Variants in CALN1 observed in about 807,000 individuals in gnomAD.
The protein encoded by CALN1 is calcium-binding protein 8.
Under a neutral mutation model 30.6 loss-of-function variants are expected in CALN1, and 17 were observed. The observed-to-expected ratio is 0.56, with a 90% CI of 0.38 to 0.83. CALN1 has a LOEUF of 0.83. Among genes scored for constraint, CALN1 ranks in the 40% least tolerant of loss-of-function variants. The pLI is 0.00. For missense variants in CALN1, 291 were observed against 354.9 expected (o/e 0.82, Z 1.45); for synonymous variants, 156 against 131.4 (o/e 1.19, Z -1.28).
rs1420650117 is a variant in CALN1, at chr7:72,278,828, G to A, written c.120-18C>T. 5 of 1,594,740 alleles carry A rather than the reference G, an allele frequency of 3.1e-6. No homozygotes were observed. Among genetic ancestry groups the A allele is most frequent in the Admixed American group, 1.7e-5 (1 of 59,732 alleles). On this transcript the variant is annotated intron_variant, in intron 2 of 6. Coordinates refer to ENST00000395275, the MANE Select transcript of CALN1 (RefSeq NM_031468.4). ...TCTTTTCCCTGCCCAAGAGAGAACA[G>A]GGGAGGGGAAAAGAAAGACATCATC...
At chr7:72,487,924 A>AGGAAGGAAG in the CALN1 span, among the ~76,000 whole-genome samples, 1 of 84,960 alleles carries the variant, frequency 1.2e-5, no homozygotes, top group Admixed American at 1.1e-4. Flanking sequence ...GAAAGAAGGA[A>AGGAAGGAAG]GGAAGGAAGG....
At chr7:72,417,115 G>A (rs1013565285), upstream of CALN1, among the ~76,000 whole-genome samples, 8 of 152,174 alleles carry the variant, frequency 5.3e-5, no homozygotes, top group Admixed American at 1.3e-4. Flanking sequence ...GGCGGAGGGC[G>A]GTCCCAGCCG....
At chr7:72,002,598 G>T (rs1323126829) in intron 5 of CALN1, among the ~76,000 whole-genome samples, 2 of 152,074 alleles carry the variant, frequency 1.3e-5, no homozygotes, top group South Asian at 2.1e-4. Flanking sequence ...TGGAAAAGAA[G>T]GAATTAAATG....
At chr7:72,040,174 T>A (rs1461815326) in intron 4 of CALN1, among the ~76,000 whole-genome samples, 2 of 152,060 alleles carry the variant, frequency 1.3e-5, no homozygotes, top group Non-Finnish European at 2.9e-5. Flanking sequence ...AATGTCAACC[T>A]CTTAAAAAGT....
intron 3 of CALN1, among the ~76,000 whole-genome samples, chr7:72,121,726 T>C (rs1463332949): frequency 6.7e-6 from 1 of 148,636 alleles, no homozygotes; most frequent in Non-Finnish European, 1.5e-5. Flanking sequence ...ATGTTTATTA[T>C]AATAAAAATG....
chr7:72,129,057 T>A (rs906049631), intron 3 of CALN1, among the ~76,000 whole-genome samples: 3 of 152,012 alleles, frequency 2.0e-5, no homozygotes, highest in Non-Finnish European at 2.9e-5. Context: ...ATAAAAATGG[T>A]CAAAGAACAA....
chr7:72,179,842 A>T (rs1307826387), intron 3 of CALN1, among the ~76,000 whole-genome samples: 1 of 152,204 alleles, frequency 6.6e-6, no homozygotes, highest in Non-Finnish European at 1.5e-5. Flanking sequence ...TTCTTATGTA[A>T]AAAAGTTATA....
In CALN1 at chr7:72,337,293, C is replaced by T. The variant is rs1802130531; in HGVS notation, c.120-58483G>A. 5 of 985,148 alleles carry T rather than the reference C, an allele frequency of 5.1e-6. No homozygotes were observed. The South Asian group carries it at 1.9e-4, about 37-fold the overall frequency. 61.0% of individuals were successfully genotyped at this position (985,148 alleles called of 1,614,324 possible). On this transcript the variant is annotated intron_variant, in intron 2 of 6. Coordinates refer to ENST00000395275, the MANE Select transcript of CALN1 (RefSeq NM_031468.4). ...CGGGCTTCTGGGCTCGCCTTGGCCG[C>T]CTGCGCCCCAGCTCCTCCGAGGGTC...
chr7:72,005,333 G>GT (rs1369734095), intron 5 of CALN1, among the ~76,000 whole-genome samples: 7 of 152,102 alleles, frequency 4.6e-5, no homozygotes, highest in African/African-American at 7.2e-5. Flanking sequence ...GAAGCAAACT[G>GT]TTTTTTCTGT....
chr7:72,080,933 G>T (rs1426029630), intron 4 of CALN1, among the ~76,000 whole-genome samples: 2 of 152,056 alleles, frequency 1.3e-5, no homozygotes, highest in African/African-American at 4.8e-5. Flanking sequence ...GTTTGTTGCT[G>T]GTCTAGTATC....
chr7:72,077,709 T>A (rs1383575060), intron 4 of CALN1, among the ~76,000 whole-genome samples: 1 of 152,218 alleles, frequency 6.6e-6, no homozygotes, highest in Non-Finnish European at 1.5e-5. Flanking sequence ...GATAGGTGTG[T>A]GTCCAAGGGG....
intron 3 of CALN1, among the ~76,000 whole-genome samples, chr7:72,124,091 G>A (rs964636773): frequency 1.3e-5 from 2 of 152,044 alleles, no homozygotes; most frequent in Admixed American, 6.5e-5. Context: ...CAGAACACAC[G>A]TGCACACACA....
At chr7:72,238,161 A>C (rs937406613) in intron 3 of CALN1, among the ~76,000 whole-genome samples, 1 of 152,204 alleles carries the variant, frequency 6.6e-6, no homozygotes, top group Non-Finnish European at 1.5e-5. Flanking sequence ...CTCAGGAATA[A>C]TACTCTTAAA....
At chr7:72,226,285 G>C (rs13223324) in intron 3 of CALN1, among the ~76,000 whole-genome samples, 19,810 of 148,842 alleles carry the variant, frequency 0.13, 1,707 homozygotes, top group East Asian at 0.44. Context: ...ATTAGCAATG[G>C]AAAACTGTTC....
chr7:72,292,948 T>C (rs767678903), intron 2 of CALN1, among the ~76,000 whole-genome samples: 6 of 152,082 alleles, frequency 3.9e-5, no homozygotes, highest in Admixed American at 2.6e-4. Context: ...GACCACATCT[T>C]TTGTCTCTGC....
At chr7:72,411,368 G>C (rs977379872) in intron 1 of CALN1, among the ~76,000 whole-genome samples, 1 of 152,010 alleles carries the variant, frequency 6.6e-6, no homozygotes, top group Non-Finnish European at 1.5e-5. Context: ...ATACAAAAGA[G>C]ATTCATGTAA....
In CALN1 at chr7:71,781,198, T is replaced by C. The variant is rs1313285616; in HGVS notation, c.*6577A>G. On this transcript the variant is annotated 3_prime_UTR_variant, in exon 7 of 7. Transcript: ENST00000395275. ...GGGCTTGTCTGGTTTACTTTTCCTC[T>C]GGCTTTAGAGAAACCTGAAGCCAGG... 1 of 152,248 alleles carries C rather than the reference T, an allele frequency of 6.6e-6. No homozygotes were observed. The highest frequency in any genetic ancestry group is 1.5e-5 in the Non-Finnish European group (1 of 68,048). 9.4% of individuals were successfully genotyped at this position (152,248 alleles called of 1,614,324 possible). A position where few individuals can be genotyped will look rare whatever the true frequency, so the allele number is the denominator to read the frequency against.
intron 3 of CALN1, among the ~76,000 whole-genome samples, chr7:72,114,524 A>G (rs1394429514): frequency 6.6e-6 from 1 of 151,922 alleles, no homozygotes; most frequent in African/African-American, 2.4e-5. Flanking sequence ...TGGGGATAAA[A>G]TGATGATCGC....
At chr7:72,403,123 C>A in intron 2 of CALN1, 128 bp downstream of exon 2, 1 of 642,960 alleles carries the variant, frequency 1.6e-6, no homozygotes, top group Non-Finnish European at 2.6e-6. Flanking sequence ...TCCCAGGTGT[C>A]CATTTCATAG....
Sources: gnomAD v4.1 joint callset for allele counts (sites outside exome capture counted in the v4.1 genomes callset) on GRCh38, gnomAD v4.1.1 for gene constraint, MANE v1.5 for transcripts, NCBI Gene and HGNC (gene_info 2026-07-23, HGNC 2026-07-21) for gene names.